RNF213: variants seen among roughly 807,000 people sequenced by gnomAD.
RNF213 encodes the protein E3 ubiquitin-protein ligase RNF213.
A neutral mutation model predicts 514.4 loss-of-function variants in RNF213; 341 were observed. That is an observed-to-expected ratio of 0.66 (90% confidence interval 0.61 to 0.73). The LOEUF (loss-of-function observed/expected upper bound fraction) is 0.73, where lower values mean the gene tolerates loss of function less well. Ranked by LOEUF, RNF213 falls within the 30% of genes least tolerant of loss-of-function variation. RNF213 has a pLI of 0.00. For missense variants in RNF213, 5,767 were observed against 6,615.6 expected, an observed-to-expected ratio of 0.87 and a Z score of 4.45; for synonymous variants, 2,655 against 2,658.2, an observed-to-expected ratio of 1.00 and a Z score of 0.04.
intron 3 of RNF213, among the ~76,000 whole-genome samples, chr17:80,277,595 C>CA (rs34659718): frequency 0.013 from 880 of 69,096 alleles, 11 homozygotes; most frequent in Non-Finnish European, 0.014. Context: ...GACTCTGTCT[C>CA]AAAAAAAAAA....
In RNF213 at chr17:80,293,420, G is replaced by A. The variant is rs372399096; in HGVS notation, c.1472-1300G>A. Among the ~76,000 whole-genome samples, 22 of 152,180 alleles carry A rather than the reference G, an allele frequency of 1.4e-4. No individual in the cohort carries two copies. The East Asian group carries it at 2.1e-3, about 15-fold the overall frequency. On this transcript the variant is annotated intron_variant, in intron 8 of 67. Coordinates refer to ENST00000582970, the MANE Select transcript of RNF213 (RefSeq NM_001256071.3). ...GAGAACATAAGCTTTGAAAGAATAG[G>A]CATTAGTCCGGTAATTCCATATATA...
chr17:80,310,332 A>G (rs947360236), intron 14 of RNF213, among the ~76,000 whole-genome samples: 3 of 151,990 alleles, frequency 2.0e-5, no homozygotes, highest in African/African-American at 7.3e-5. Context: ...AGCTCACTGC[A>G]ATCTCCGCCT....
Position 80,295,808 on chromosome 17 carries a change from T to TC in RNF213, c.2008dup (p.Gln670ProfsTer47), listed in dbSNP as rs1312302120. ...ACCTAAGCCACATCCTTGGGATACC[T>TC]CAGAGGTATTATTATTTTTTGTCAA... On this transcript the variant is annotated frameshift_variant, in exon 10 of 68. Coordinates refer to ENST00000582970, the MANE Select transcript of RNF213 (RefSeq NM_001256071.3). LOFTEE classifies it high-confidence loss of function. 1.9e-6 allele frequency: 3 copies of TC among 1,614,074 alleles called. No individual in the cohort carries two copies. Among genetic ancestry groups the TC allele is most frequent in the African/African-American group, 2.7e-5 (2 of 74,934 alleles).
At chr17:80,292,276 G>C (rs1251496694) in intron 8 of RNF213, among the ~76,000 whole-genome samples, 1 of 152,112 alleles carries the variant, frequency 6.6e-6, no homozygotes, top group Non-Finnish European at 1.5e-5. Context: ...GAGAGACAGG[G>C]TTTCACCATG....
In RNF213 at chr17:80,339,229, A is replaced by G; in HGVS notation, c.4862A>G (p.Gln1621Arg). The change falls in exon 26 of 68, where the codon CAG (glutamine) becomes CGG (arginine). Residue 1621 changes from glutamine (Q) to arginine (R), a missense_variant. By Grantham distance (43) the Gln-to-Arg change is conservative. Transcript: ENST00000582970. ...EVFCSVQRLS[Q>R]AFIDLHSAGN... ...TTCTGCAGTGTGCAGAGGCTCAGCC[A>G]GGCCTTCATCGACCTGCACTCTGCT... 1 of 1,500,478 alleles carries G rather than the reference A, an allele frequency of 6.7e-7. No homozygotes were observed. The allele number at this position is 1,500,478 out of a possible 1,614,324, so 92.9% of individuals were successfully genotyped here.
chr17:80,269,856 G>GT (rs1420823411), intron 2 of RNF213, among the ~76,000 whole-genome samples: 1 of 152,176 alleles, frequency 6.6e-6, no homozygotes, highest in African/African-American at 2.4e-5. Flanking sequence ...GTTCTATACT[G>GT]TGAGTATTTA....
rs1009792165 is a variant in RNF213, at chr17:80,372,098, G to A, written c.12537+113G>A. ...ATAATTAACGAATGCTCTGTTCCGTGCAGAAAAGAAGAAAGGTTTCAAAGA... is the reference window on the plus strand; with the variant it reads ...ATAATTAACGAATGCTCTGTTCCGTACAGAAAAGAAGAAAGGTTTCAAAGA... On this transcript the variant is annotated intron_variant, in intron 47 of 67. Coordinates refer to ENST00000582970, the MANE Select transcript of RNF213 (RefSeq NM_001256071.3). The A allele has an allele frequency of 2.6e-5, 19 of 734,350 alleles. No individual in the cohort carries two copies. The Admixed American group carries it at 4.2e-4, about 16-fold the overall frequency. 45.5% of individuals were successfully genotyped at this position (734,350 alleles called of 1,614,324 possible).
intron 49 of RNF213, 21 bp downstream of exon 49, chr17:80,373,186 G>T: frequency 6.2e-7 from 1 of 1,600,138 alleles, no homozygotes. Context: ...GGGCCGGGCA[G>T]CACACAAACA....
chr17:80,306,544 A>T lies in RNF213; in HGVS notation c.2427+76A>T, dbSNP rs537949021. The T allele has an allele frequency of 5.4e-5, 77 of 1,433,074 alleles. No individual in the cohort carries two copies. In the Admixed American group the frequency reaches 1.2e-3, roughly 22 times the overall value. The allele number at this position is 1,433,074 out of a possible 1,614,324, so 88.8% of individuals were successfully genotyped here. A position where few individuals can be genotyped will look rare whatever the true frequency, so the allele number is the denominator to read the frequency against. Reference sequence around the variant, plus strand: ...GATAACTAAACATGGAAAGCTCAGGATTCTTATTCCTAAAAAACAGACAGT... The same window carrying T: ...GATAACTAAACATGGAAAGCTCAGGTTTCTTATTCCTAAAAAACAGACAGT... On this transcript the variant is annotated intron_variant, in intron 12 of 67. Transcript: ENST00000582970.
intron 13 of RNF213, 23 bp downstream of exon 13, chr17:80,307,224 T>C (rs1464735968): frequency 6.2e-7 from 1 of 1,612,298 alleles, no homozygotes; most frequent in Non-Finnish European, 8.5e-7. Flanking sequence ...CACGATGCAG[T>C]CTCTCCCTCA....
chr17:80,341,928 T>A (rs1468039431), intron 26 of RNF213: 1 of 152,226 alleles, frequency 6.6e-6, no homozygotes, highest in Non-Finnish European at 1.5e-5. Flanking sequence ...TGCCTCAGCC[T>A]CCTGAGTAGC....
At chr17:80,386,222 T>C (rs770036916) in intron 61 of RNF213, 28 bp from the exon 62 acceptor site, 1 of 1,600,476 alleles carries the variant, frequency 6.2e-7, no homozygotes, top group Admixed American at 1.7e-5. Context: ...AACTCCTCTC[T>C]GCTTAAGCAT....
chr17:80,318,636 G>C (rs144875443), intron 16 of RNF213, among the ~76,000 whole-genome samples: 10,306 of 152,076 alleles, frequency 0.068, 489 homozygotes, highest in East Asian at 0.22. Context: ...TGCAGTGGCG[G>C]GATCTCGGCT....
At chr17:80,362,259 A>G (rs1385946998) in intron 39 of RNF213, among the ~76,000 whole-genome samples, 3 of 152,258 alleles carry the variant, frequency 2.0e-5, no homozygotes, top group Non-Finnish European at 4.4e-5. Context: ...CATACTTTTG[A>G]CTACCTAAAA....
intron 11 of RNF213, among the ~76,000 whole-genome samples, chr17:80,299,534 G>GTTTATTTGTTTA (rs2045096085): frequency 1.3e-5 from 2 of 149,864 alleles, no homozygotes; most frequent in African/African-American, 4.9e-5. Context: ...ACCAGAGAAA[G>GTTTATTTGTTTA]TTTATTTATT....
chr17:80,311,987 G>A (rs916433341), intron 14 of RNF213, among the ~76,000 whole-genome samples: 3 of 152,108 alleles, frequency 2.0e-5, no homozygotes, highest in African/African-American at 7.2e-5. Flanking sequence ...AATTAGCCAG[G>A]TATGGTGGCA....
At chr17:80,379,156 G>A (rs1339690140) in intron 54 of RNF213, among the ~76,000 whole-genome samples, 1 of 152,174 alleles carries the variant, frequency 6.6e-6, no homozygotes, top group Non-Finnish European at 1.5e-5. Flanking sequence ...TGGTGCCACT[G>A]CACTCCAGCC....
Position 80,322,933 on chromosome 17 carries a change from G to A in RNF213, c.3025-2097G>A, listed in dbSNP as rs143788277. The stretch of plus-strand genomic sequence containing the variant: ...TTCTTTTGTTGCTTGTACTTTTGGT[G>A]TCAAAGAATCCTTTGCCAAATCCTA... On this transcript the variant is annotated intron_variant, in intron 17 of 67. Transcript: ENST00000582970. Among the ~76,000 whole-genome samples the A allele has an allele frequency of 5.8e-3, 877 of 152,262 alleles. 5 individuals carry two copies. The highest frequency in any genetic ancestry group is 0.02 in the African/African-American group (828 of 41,552).
intron 62 of RNF213, 24 bp from the exon 63 acceptor site, chr17:80,386,666 G>A (rs1266201595): frequency 6.2e-7 from 1 of 1,613,116 alleles, no homozygotes; most frequent in Non-Finnish European, 8.5e-7. Context: ...CCTGGACGCT[G>A]AGCGCTGTCT....
Sources: gnomAD v4.1 joint callset for allele counts (sites outside exome capture counted in the v4.1 genomes callset) on GRCh38, gnomAD v4.1.1 for gene constraint, MANE v1.5 for transcripts, NCBI Gene and HGNC (gene_info 2026-07-23, HGNC 2026-07-21) for gene names.